Variants in CSMD1 observed in about 807,000 individuals in gnomAD.
CSMD1 encodes CUB and Sushi multiple domains 1, also known as CUB and sushi domain-containing protein 1.
A neutral mutation model predicts 417.5 loss-of-function variants in CSMD1; 213 were observed. The observed-to-expected ratio is 0.51, with a 90% CI of 0.46 to 0.57. The LOEUF (loss-of-function observed/expected upper bound fraction) is 0.57, where lower values mean the gene tolerates loss of function less well. CSMD1 is among the 20% of genes least tolerant of loss of function. CSMD1 has a pLI of 0.00. For synonymous variants in CSMD1, 2,862 were observed against 1,736.8 expected (o/e 1.65, Z -16.11); for missense variants, 6,923 against 4,529.7 (o/e 1.53, Z -15.17).
intron 46 of CSMD1, among the ~76,000 whole-genome samples, chr8:3,101,310 T>G (rs1815722961): frequency 6.6e-6 from 1 of 152,220 alleles, no homozygotes; most frequent in African/African-American, 2.4e-5. Flanking sequence ...TTCTCTTCAC[T>G]TTTTGAAATG....
At chr8:4,526,624 T>G (rs566230413) in intron 2 of CSMD1, among the ~76,000 whole-genome samples, 1 of 152,228 alleles carries the variant, frequency 6.6e-6, no homozygotes, top group Non-Finnish European at 1.5e-5. Flanking sequence ...TTGACATCAC[T>G]CTTGGGAATT....
At chr8:4,709,877 C>T (rs1021767107) in intron 1 of CSMD1, among the ~76,000 whole-genome samples, 3 of 152,016 alleles carry the variant, frequency 2.0e-5, no homozygotes, top group Non-Finnish European at 2.9e-5. Flanking sequence ...TCTCAATGAA[C>T]GTTTAAAGTA....
At chr8:3,605,683 T>C (rs986090851) in intron 8 of CSMD1, among the ~76,000 whole-genome samples, 1 of 152,224 alleles carries the variant, frequency 6.6e-6, no homozygotes, top group Non-Finnish European at 1.5e-5. Flanking sequence ...ATCCTCGAGA[T>C]AAAAATATGC....
chr8:4,632,956 G>A (rs1442665005), intron 2 of CSMD1, among the ~76,000 whole-genome samples: 1 of 152,158 alleles, frequency 6.6e-6, no homozygotes, highest in Admixed American at 6.5e-5. Context: ...GGACAAACGG[G>A]AGGGACTGAA....
At chr8:4,892,407 T>G (rs1235887867) in intron 1 of CSMD1, among the ~76,000 whole-genome samples, 2 of 152,100 alleles carry the variant, frequency 1.3e-5, no homozygotes, top group Non-Finnish European at 2.9e-5. Flanking sequence ...CTTACAGCCC[T>G]GCGTCCTGTG....
At position 3,916,772 on chromosome 8, in the gene CSMD1, A is replaced by C. The variant is rs368140823; in HGVS notation, c.818+81131T>G. On this transcript the variant is annotated intron_variant, in intron 5 of 69. Coordinates refer to ENST00000635120, the MANE Select transcript of CSMD1 (RefSeq NM_033225.6). ...CACAAAACTAGAGAGAGAAAAAATA[A>C]TTGAGTGGCTCAATTTCAAAATAAG... 6.9e-4 allele frequency among the ~76,000 whole-genome samples: 105 copies of C among 152,274 alleles called. 1 individual carries two copies. In the East Asian group the frequency reaches 0.013, roughly 19 times the overall value.
chr8:3,097,259 C>T (rs1454257408), intron 46 of CSMD1, among the ~76,000 whole-genome samples: 1 of 152,200 alleles, frequency 6.6e-6, no homozygotes, highest in Non-Finnish European at 1.5e-5. Context: ...TCAGCCTGCA[C>T]ACTCCTTTGG....
chr8:3,558,178 ACTC>A (rs1329766470), intron 10 of CSMD1, among the ~76,000 whole-genome samples: 1 of 147,576 alleles, frequency 6.8e-6, no homozygotes, highest in African/African-American at 2.5e-5. Context: ...CCCCGTGTCC[ACTC>A]CTCCAATGAT....
chr8:3,349,921 T>A (rs1350063112), intron 21 of CSMD1, among the ~76,000 whole-genome samples: 1 of 143,776 alleles, frequency 7.0e-6, no homozygotes, highest in East Asian at 2.0e-4. Context: ...TATTTATATA[T>A]TATATTATAT....
At chr8:3,818,000 TTTTAC>T (rs1281861561) in intron 5 of CSMD1, among the ~76,000 whole-genome samples, 10 of 152,254 alleles carry the variant, frequency 6.6e-5, no homozygotes, top group Middle Eastern at 3.4e-3. Flanking sequence ...AAAAGCCCAT[TTTTAC>T]TTTATTTTAA....
chr8:4,684,294 G>T (rs905667898), intron 1 of CSMD1, among the ~76,000 whole-genome samples: 1 of 152,116 alleles, frequency 6.6e-6, no homozygotes, highest in Admixed American at 6.6e-5. Context: ...AAATAGGAGC[G>T]CAGACTTGGT....
chr8:4,387,450 C>CAACT (rs34589429), intron 3 of CSMD1, among the ~76,000 whole-genome samples: 4,277 of 151,174 alleles, frequency 0.028, 113 homozygotes, highest in Non-Finnish European at 0.037. Context: ...TATGCTTGGT[C>CAACT]TCCATAATCA....
chr8:3,817,435 C>A (rs1055182849), intron 5 of CSMD1, among the ~76,000 whole-genome samples: 3 of 151,912 alleles, frequency 2.0e-5, no homozygotes, highest in African/African-American at 7.2e-5. Context: ...CGTGCGCCAA[C>A]ATTCCCAGCT....
chr8:4,130,186 TTTCTC>T (rs1803011993), intron 3 of CSMD1, among the ~76,000 whole-genome samples: 1 of 152,178 alleles, frequency 6.6e-6, no homozygotes, highest in African/African-American at 2.4e-5. Context: ...TAGTTCTTTC[TTTCTC>T]TTGAGTGGCT....
At chr8:3,381,836 A>G (rs1470388352) in intron 18 of CSMD1, among the ~76,000 whole-genome samples, 1 of 152,174 alleles carries the variant, frequency 6.6e-6, no homozygotes, top group Non-Finnish European at 1.5e-5. Flanking sequence ...GAGAGTTACA[A>G]TTTTAGAATG....
chr8:3,753,888 C>A (rs371060172), intron 6 of CSMD1, 42 bp downstream of exon 6: 2 of 1,343,488 alleles, frequency 1.5e-6, no homozygotes, highest in Non-Finnish European at 2.1e-6. Flanking sequence ...AAATATATTA[C>A]GCTCTGTTTT....
In CSMD1 at chr8:4,441,205, C is replaced by T. The variant is rs139621406; in HGVS notation, c.303-21140G>A. 2.2e-3 allele frequency among the ~76,000 whole-genome samples: 307 copies of T among 141,250 alleles called. 1 individual carries two copies. Among genetic ancestry groups the T allele is most frequent in the Non-Finnish European group, 3.7e-3 (246 of 66,076 alleles). 92.7% of individuals were successfully genotyped at this position (141,250 alleles called of 152,430 possible). ...TCTCAAACTCCTGGGATCAAGCAAT[C>T]CTCGCACGTCAGCCTCTTGAGTAGC... On this transcript the variant is annotated intron_variant, in intron 2 of 69. Transcript: ENST00000635120.
At chr8:4,349,543 A>G (rs1800966923) in intron 3 of CSMD1, among the ~76,000 whole-genome samples, 1 of 152,140 alleles carries the variant, frequency 6.6e-6, no homozygotes, top group African/African-American at 2.4e-5. Flanking sequence ...ACTCTATACC[A>G]TGCTTTTTTA....
intron 5 of CSMD1, among the ~76,000 whole-genome samples, chr8:3,838,924 C>A (rs1398786962): frequency 8.0e-5 from 7 of 87,100 alleles, no homozygotes; most frequent in African/African-American, 1.2e-4. Flanking sequence ...TGTATAGTCT[C>A]TCTATTTATA....
Sources: gnomAD v4.1 joint callset for allele counts (sites outside exome capture counted in the v4.1 genomes callset) on GRCh38, gnomAD v4.1.1 for gene constraint, MANE v1.5 for transcripts, NCBI Gene and HGNC (gene_info 2026-07-23, HGNC 2026-07-21) for gene names.